Variants in TXNDC8 observed in about 807,000 individuals in gnomAD.
The protein encoded by TXNDC8 is thioredoxin domain containing 8, also known as thioredoxin domain-containing protein 8.
A neutral mutation model predicts 12.9 loss-of-function variants in TXNDC8; 15 were observed. That is an observed-to-expected ratio of 1.16 (90% CI 0.78 to 1.79). The LOEUF is 1.79. TXNDC8 is among the 40% of genes most tolerant of loss of function. TXNDC8 has a pLI of 0.00. For synonymous variants in TXNDC8, 40 were observed against 35.4 expected, an observed-to-expected ratio of 1.13 and a Z score of -0.46; for missense variants, 128 against 113.2, an observed-to-expected ratio of 1.13 and a Z score of -0.59.
At chr9:110,309,032 G>A (rs2118717273) in intron 3 of TXNDC8, among the ~76,000 whole-genome samples, 1 of 152,282 alleles carries the variant, frequency 6.6e-6, no homozygotes, top group Middle Eastern at 3.4e-3. Context: ...TACAGGAAGT[G>A]GTCTTGGCTG....
chr9:110,325,747 G>A (rs540749454), intron 3 of TXNDC8, among the ~76,000 whole-genome samples: 14 of 152,178 alleles, frequency 9.2e-5, no homozygotes, highest in African/African-American at 2.9e-4. Context: ...TCTCTATCTC[G>A]TGACCTTGTG....
At chr9:110,323,812 T>C in intron 3 of TXNDC8, 2 of 1,525,504 alleles carry the variant, frequency 1.3e-6, no homozygotes, top group Non-Finnish European at 1.8e-6. Context: ...TGACAAGCTG[T>C]AGTAGCTTCA....
At chr9:110,303,079 C>T (rs2118668420), downstream of TXNDC8, among the ~76,000 whole-genome samples, 1 of 151,888 alleles carries the variant, frequency 6.6e-6, no homozygotes, top group East Asian at 1.9e-4. Context: ...AAAAATGATG[C>T]ATTGGAGAAG....
chr9:110,309,674 A>G (rs1221152233), intron 3 of TXNDC8, among the ~76,000 whole-genome samples: 3 of 152,208 alleles, frequency 2.0e-5, no homozygotes, highest in Non-Finnish European at 1.5e-5. Flanking sequence ...CAGGAAACAC[A>G]TATAAGGGCT....
intron 2 of TXNDC8, among the ~76,000 whole-genome samples, chr9:110,332,260 T>C (rs1839575024): frequency 6.6e-6 from 1 of 152,228 alleles, no homozygotes; most frequent in Non-Finnish European, 1.5e-5. Flanking sequence ...TTCACTATGT[T>C]GGCCAGGGTG....
chr9:110,301,754 A>G (rs1838274704), downstream of TXNDC8, among the ~76,000 whole-genome samples: 1 of 152,174 alleles, frequency 6.6e-6, no homozygotes, highest in Admixed American at 6.6e-5. Flanking sequence ...GAATACTTGG[A>G]AATACCCCGA....
At chr9:110,321,252 T>C (rs1347680043) in intron 3 of TXNDC8, among the ~76,000 whole-genome samples, 1 of 152,100 alleles carries the variant, frequency 6.6e-6, no homozygotes, top group East Asian at 1.9e-4. Context: ...GAGATTACTG[T>C]GTTTGAGCAG....
intron 3 of TXNDC8, among the ~76,000 whole-genome samples, chr9:110,307,865 T>A (rs1195115250): frequency 2.0e-5 from 3 of 152,220 alleles, no homozygotes; most frequent in African/African-American, 7.2e-5. Context: ...CTCCCTAACA[T>A]GTATAAAACC....
chr9:110,329,650 T>G (rs1467995204), intron 2 of TXNDC8, among the ~76,000 whole-genome samples: 1 of 151,724 alleles, frequency 6.6e-6, no homozygotes, highest in Non-Finnish European at 1.5e-5. Flanking sequence ...GTTGGGGGAG[T>G]CTGTCTTCAG....
chr9:110,326,361 C>T (rs1839319068), intron 2 of TXNDC8, 121 bp from the exon 4 acceptor site: 3 of 855,952 alleles, frequency 3.5e-6, no homozygotes, highest in Admixed American at 3.8e-5. Flanking sequence ...TGACACTTTA[C>T]AGACTCTCCT....
chr9:110,318,682 G>C lies in TXNDC8; in HGVS notation c.195+7493C>G, dbSNP rs574754141. On this transcript the variant is annotated intron_variant, in intron 3 of 4. Transcript: ENST00000423740. The stretch of plus-strand genomic sequence containing the variant: ...GAAGCCGGGAGGCGGAGCTTGCAGT[G>C]AGCTGAGATAGTGCCACTGCCCTCC... Among the ~76,000 whole-genome samples the C allele has an allele frequency of 9.1e-4, 139 of 152,068 alleles. 1 individual carries two copies. The highest frequency in any genetic ancestry group is 1.5e-3 in the South Asian group (7 of 4,820).
intron 2 of TXNDC8, 122 bp from the exon 3 acceptor site, chr9:110,329,413 C>T (rs1413257610): frequency 1.4e-6 from 1 of 699,692 alleles, no homozygotes; most frequent in Non-Finnish European, 2.4e-6. Flanking sequence ...GACTAAGCAT[C>T]ATTCTGACAT....
rs1839456012 is a variant in TXNDC8, at chr9:110,329,213, G to A, written c.130-2973C>T. On this transcript the variant is annotated intron_variant, in intron 2 of 4. Coordinates refer to ENST00000423740, the MANE Select transcript of TXNDC8 (RefSeq NM_001286946.2). ...CCTTTGGATTTTGAGTATGTGCACAGAAGATTTAAGATTCTTACCGGAGAA... is the reference window on the plus strand; with the variant it reads ...CCTTTGGATTTTGAGTATGTGCACAAAAGATTTAAGATTCTTACCGGAGAA... The A allele has an allele frequency of 1.9e-6, 3 of 1,608,804 alleles. No individual in the cohort carries two copies. In the East Asian group the frequency reaches 6.7e-5, roughly 36 times the overall value.
At chr9:110,303,412 T>C (rs1408559660), downstream of TXNDC8, 39 of 1,267,906 alleles carry the variant, frequency 3.1e-5, no homozygotes, top group Non-Finnish European at 4.2e-5. Context: ...AGCAAAGCAT[T>C]AGGAGAGAGA....
chr9:110,316,121 G>A (rs1327370680), intron 3 of TXNDC8, among the ~76,000 whole-genome samples: 1 of 150,268 alleles, frequency 6.7e-6, no homozygotes, highest in Non-Finnish European at 1.5e-5. Flanking sequence ...GCTACTACCT[G>A]CTAGGCTGGT....
intron 3 of TXNDC8, chr9:110,323,684 A>G: frequency 1.6e-6 from 1 of 606,474 alleles, no homozygotes; most frequent in Non-Finnish European, 2.5e-6. Context: ...TGAAGAATCT[A>G]TGGGGATAGT....
intron 3 of TXNDC8, among the ~76,000 whole-genome samples, chr9:110,304,992 A>G (rs1838375527): frequency 6.6e-6 from 1 of 151,986 alleles, no homozygotes; most frequent in African/African-American, 2.4e-5. Flanking sequence ...TACCAAAAAT[A>G]CAAAAATTAG....
chr9:110,311,544 T>C (rs1248574105), intron 3 of TXNDC8, among the ~76,000 whole-genome samples: 1 of 129,816 alleles, frequency 7.7e-6, no homozygotes, highest in Non-Finnish European at 1.6e-5. Flanking sequence ...TATATATATA[T>C]ATATATATAT....
chr9:110,315,380 G>C (rs1041524527), intron 3 of TXNDC8, among the ~76,000 whole-genome samples: 2 of 152,120 alleles, frequency 1.3e-5, no homozygotes, highest in African/African-American at 2.4e-5. Context: ...TTACAAGTGT[G>C]AGCCACTGCA....
Sources: gnomAD v4.1 joint callset for allele counts (sites outside exome capture counted in the v4.1 genomes callset) on GRCh38, gnomAD v4.1.1 for gene constraint, MANE v1.5 for transcripts, NCBI Gene and HGNC (gene_info 2026-07-23, HGNC 2026-07-21) for gene names.